HMCN1: variants seen among roughly 807,000 people sequenced by gnomAD.
HMCN1 encodes hemicentin 1.
In HMCN1, 321 loss-of-function variants were observed where a neutral mutation model predicts 625.9. The ratio of observed to expected loss-of-function variants is 0.51; its 90% CI spans 0.47 to 0.56. The LOEUF (loss-of-function observed/expected upper bound fraction) is 0.56, where lower values mean the gene tolerates loss of function less well. Among genes scored for constraint, HMCN1 ranks in the 20% least tolerant of loss-of-function variants. The pLI, the probability that HMCN1 is intolerant of heterozygous loss-of-function variation, is 0.00. For missense variants in HMCN1, 6,588 were observed against 6,887.3 expected (o/e 0.96, Z 1.54); for synonymous variants, 2,425 against 2,417.6 (o/e 1.00, Z -0.09).
intron 1 of HMCN1, among the ~76,000 whole-genome samples, chr1:185,782,286 T>C (rs1428646674): frequency 6.6e-6 from 1 of 152,234 alleles, no homozygotes; most frequent in Non-Finnish European, 1.5e-5. Context: ...CTGATGGGTC[T>C]TGACTCTTTA....
intron 69 of HMCN1, 138 bp downstream of exon 69, chr1:186,103,806 A>G (rs1011110244): frequency 5.9e-6 from 4 of 681,926 alleles, no homozygotes; most frequent in South Asian, 3.9e-5. Flanking sequence ...GATTAGTCCT[A>G]TGATATGCAT....
At chr1:185,864,441 G>T (rs201753912) in intron 2 of HMCN1, 29 bp from the exon 3 acceptor site, 1 of 1,609,002 alleles carries the variant, frequency 6.2e-7, no homozygotes, top group Non-Finnish European at 8.5e-7. Context: ...TGATGATGAC[G>T]TAATTGAATT....
chr1:186,104,890 C>G lies in HMCN1; in HGVS notation c.10770+1222C>G, dbSNP rs572743854. On this transcript the variant is annotated intron_variant, in intron 69 of 106. Transcript: ENST00000271588. Reference sequence around the variant, plus strand: ...TCTTGAATGATATAATTTCAACAAACAAAAAGTAGGCAAAAGAATTTGTGA... The same window carrying G: ...TCTTGAATGATATAATTTCAACAAAGAAAAAGTAGGCAAAAGAATTTGTGA... 3.9e-5 allele frequency among the ~76,000 whole-genome samples: 6 copies of G among 151,910 alleles called. No individual in the cohort carries two copies. In the South Asian group the frequency reaches 1.2e-3, roughly 32 times the overall value.
chr1:186,091,371 G>T (rs1659834401), intron 64 of HMCN1, among the ~76,000 whole-genome samples: 1 of 151,856 alleles, frequency 6.6e-6, no homozygotes, highest in African/African-American at 2.4e-5. Flanking sequence ...GCTATAATTG[G>T]CTCCTTTTGA....
At chr1:185,991,008 G>C (rs1382305546) in intron 22 of HMCN1, among the ~76,000 whole-genome samples, 1 of 152,016 alleles carries the variant, frequency 6.6e-6, no homozygotes, top group East Asian at 1.9e-4. Flanking sequence ...TGAAACCTTT[G>C]GCAATTTTTA....
In HMCN1 at chr1:185,965,856, T is replaced by C. The variant is rs769059282; in HGVS notation, c.2153T>C (p.Ile718Thr). The change falls in exon 14 of 107, where the codon ATA becomes ACA. Residue 718 changes from isoleucine to threonine, a missense_variant. Physicochemically the swap from Ile to Thr is moderately conservative, Grantham distance 89 (BLOSUM62 -1). Around this residue, in one of 3 missense-constraint regions of HMCN1, gnomAD observed 4,628 missense variants for 4,853.1 expected, o/e 0.95. Coordinates refer to ENST00000271588, the MANE Select transcript of HMCN1 (RefSeq NM_031935.3). Reference protein sequence around the residue: ...QSELLVALGDITVMECKTSGI... With the variant: ...QSELLVALGDTTVMECKTSGI... Reference sequence around the variant, plus strand: ...GAGCTCTTGGTTGCCCTTGGGGATATAACCGTTATGGAATGCAAAACCTCT... The same window carrying C: ...GAGCTCTTGGTTGCCCTTGGGGATACAACCGTTATGGAATGCAAAACCTCT... The C allele has an allele frequency of 1.9e-6, 3 of 1,613,018 alleles. No individual in the cohort carries two copies. The highest frequency in any genetic ancestry group is 1.7e-4 in the Middle Eastern group (1 of 6,058).
intron 4 of HMCN1, among the ~76,000 whole-genome samples, chr1:185,902,498 A>G (rs1489726586): frequency 6.6e-6 from 1 of 151,650 alleles, no homozygotes. Context: ...CCCTGAAGCT[A>G]TTCATGGAGT....
intron 1 of HMCN1, among the ~76,000 whole-genome samples, chr1:185,735,378 T>G (rs1653488207): frequency 6.6e-6 from 1 of 152,186 alleles, no homozygotes; most frequent in Admixed American, 6.5e-5. Context: ...TAAAGCATGT[T>G]TAATTACGAA....
At chr1:186,156,501 T>C (rs1651028520) in intron 97 of HMCN1, among the ~76,000 whole-genome samples, 1 of 152,222 alleles carries the variant, frequency 6.6e-6, no homozygotes, top group Non-Finnish European at 1.5e-5. Flanking sequence ...GGGTGACGAC[T>C]GCCTAGTATT....
intron 4 of HMCN1, among the ~76,000 whole-genome samples, chr1:185,900,704 C>T (rs949981867): frequency 4.0e-5 from 6 of 151,828 alleles, no homozygotes; most frequent in African/African-American, 1.4e-4. Context: ...CTTCCTAAAG[C>T]TCCTTGTTTT....
At chr1:186,106,830 A>T in intron 69 of HMCN1, 54 bp from the exon 70 acceptor site, 1 of 1,245,798 alleles carries the variant, frequency 8.0e-7, no homozygotes, top group Non-Finnish European at 1.2e-6. Flanking sequence ...TATTTATTTT[A>T]ATAACAAAAG....
chr1:185,943,520 T>G (rs529904662), intron 11 of HMCN1, among the ~76,000 whole-genome samples: 2 of 152,312 alleles, frequency 1.3e-5, no homozygotes, highest in Admixed American at 1.3e-4. Context: ...TTTTCCTTCC[T>G]TGTAGATATG....
Position 186,038,722 on chromosome 1 carries a change from A to G in HMCN1, c.5852-107A>G. ...TGATTATGTAAACAGATTAAATTCA[A>G]ATAATAAGTATAAGAATAAAGTAAT... On this transcript the variant is annotated intron_variant, in intron 37 of 106. Transcript: ENST00000271588. The G allele has an allele frequency of 2.1e-5, 15 of 723,180 alleles. No homozygotes were observed. In the South Asian group the frequency reaches 2.2e-4, roughly 11 times the overall value. 44.8% of individuals were successfully genotyped at this position (723,180 alleles called of 1,614,324 possible). A position where few individuals can be genotyped will look rare whatever the true frequency, so the allele number is the denominator to read the frequency against.
Position 186,114,916 on chromosome 1 carries a change from G to T in HMCN1, c.11374G>T (p.Asp3792Tyr). The T allele has an allele frequency of 1.2e-6, 2 of 1,614,172 alleles. No homozygotes were observed. Among genetic ancestry groups the T allele is most frequent in the Non-Finnish European group, 1.7e-6 (2 of 1,180,016 alleles). ...LCMATNAAGT[D>Y]RRRIDLQVHV... ...TATGGCCACCAATGCTGCTGGAACA[G>T]ATCGCAGGCGAATAGATTTACAGGT... Residue 3792 changes from aspartate (D) to tyrosine (Y), a missense_variant, in exon 74 of 107, where the codon GAT (aspartate) becomes TAT (tyrosine). Around this residue, in one of 3 missense-constraint regions of HMCN1, gnomAD observed 4,628 missense variants for 4,853.1 expected, o/e 0.95. Coordinates refer to ENST00000271588, the MANE Select transcript of HMCN1 (RefSeq NM_031935.3).
At chr1:185,871,533 C>T (rs1663621626) in intron 4 of HMCN1, among the ~76,000 whole-genome samples, 1 of 152,106 alleles carries the variant, frequency 6.6e-6, no homozygotes, top group African/African-American at 2.4e-5. Flanking sequence ...ACATGCTAGT[C>T]AAAATGTTCT....
chr1:185,757,381 A>G (rs1476383797), intron 1 of HMCN1, among the ~76,000 whole-genome samples: 1 of 151,970 alleles, frequency 6.6e-6, no homozygotes, highest in Non-Finnish European at 1.5e-5. Context: ...TCTTCAATAC[A>G]TTTCATCTTC....
At chr1:186,164,089 A>T (rs564274128) in intron 97 of HMCN1, among the ~76,000 whole-genome samples, 1 of 152,192 alleles carries the variant, frequency 6.6e-6, no homozygotes, top group Non-Finnish European at 1.5e-5. Flanking sequence ...CCGTGCAATG[A>T]TCACTTAGCA....
intron 1 of HMCN1, among the ~76,000 whole-genome samples, chr1:185,769,004 T>C (rs963334171): frequency 6.6e-6 from 1 of 152,230 alleles, no homozygotes; most frequent in African/African-American, 2.4e-5. Context: ...TATTTGTTTC[T>C]ACATTATATG....
chr1:186,086,814 T>TGATAGATAGATA (rs10523445), intron 58 of HMCN1, among the ~76,000 whole-genome samples: 4 of 73,742 alleles, frequency 5.4e-5, no homozygotes, highest in Non-Finnish European at 6.9e-5. Context: ...GATAGATAGA[T>TGATAGATAGATA]GATAGATAGA....
Sources: allele counts gnomAD v4.1 joint callset (sites outside exome capture counted in the v4.1 genomes callset), GRCh38; gene constraint gnomAD v4.1.1; regional missense constraint gnomAD v4.1.1; transcripts MANE v1.5; gene names NCBI Gene and HGNC (gene_info 2026-07-23, HGNC 2026-07-21).